Variants in PLCB1 observed in about 807,000 individuals in gnomAD.
PLCB1 encodes 1-phosphatidylinositol 4,5-bisphosphate phosphodiesterase beta-1.
A neutral mutation model predicts 161.8 loss-of-function variants in PLCB1; 46 were observed. That is an observed-to-expected ratio of 0.28 (90% confidence interval 0.22 to 0.36). The LOEUF is 0.36. Among genes scored for constraint, PLCB1 ranks in the 10% least tolerant of loss-of-function variants. The probability of loss-of-function intolerance (pLI) is 1.00; values close to 1 mark genes in which losing one functional copy is unlikely to be tolerated. For missense variants in PLCB1, 1,016 were observed against 1,472.5 expected, an observed-to-expected ratio of 0.69 and a Z score of 5.07; for synonymous variants, 517 against 503.7, an observed-to-expected ratio of 1.03 and a Z score of -0.35.
At chr20:8,282,621 G>T (rs2123286615) in intron 2 of PLCB1, among the ~76,000 whole-genome samples, 1 of 152,274 alleles carries the variant, frequency 6.6e-6, no homozygotes, top group South Asian at 2.1e-4. Flanking sequence ...GATGTAAATA[G>T]ATTGTATTGC....
At chr20:8,772,790 G>A (rs145883587) in intron 26 of PLCB1, among the ~76,000 whole-genome samples, 17 of 152,172 alleles carry the variant, frequency 1.1e-4, no homozygotes, top group African/African-American at 3.6e-4. Context: ...AAAATTAGCC[G>A]GGCATGGTGG....
chr20:8,833,286 C>T (rs780687029), intron 31 of PLCB1, among the ~76,000 whole-genome samples: 27 of 152,212 alleles, frequency 1.8e-4, no homozygotes, highest in Non-Finnish European at 1.8e-4. Flanking sequence ...GCATGTCTTA[C>T]ATGACGACAG....
At chr20:8,738,102 G>T (rs1980676378) in intron 20 of PLCB1, among the ~76,000 whole-genome samples, 1 of 152,214 alleles carries the variant, frequency 6.6e-6, no homozygotes, top group African/African-American at 2.4e-5. Flanking sequence ...GGAAAGAAAT[G>T]AGTAGTTGCT....
chr20:8,765,433 C>A, intron 26 of PLCB1, 75 bp downstream of exon 26: 2 of 1,133,092 alleles, frequency 1.8e-6, no homozygotes, highest in Non-Finnish European at 1.3e-6. Flanking sequence ...TGTTTTATAT[C>A]ATATTTTTGG....
At chr20:8,726,212 G>A (rs1418619864) in intron 16 of PLCB1, among the ~76,000 whole-genome samples, 1 of 152,036 alleles carries the variant, frequency 6.6e-6, no homozygotes, top group East Asian at 1.9e-4. Context: ...CTAAAATACT[G>A]CTCATAATTG....
intron 3 of PLCB1, among the ~76,000 whole-genome samples, chr20:8,430,251 C>T (rs1979977019): frequency 6.6e-6 from 1 of 151,966 alleles, no homozygotes; most frequent in Admixed American, 6.6e-5. Flanking sequence ...AGAACATCTA[C>T]ATAATTAGAG....
chr20:8,354,773 T>C (rs967492841), intron 2 of PLCB1, among the ~76,000 whole-genome samples: 5 of 152,184 alleles, frequency 3.3e-5, no homozygotes, highest in Non-Finnish European at 7.4e-5. Context: ...AACAGCATTA[T>C]ATGCTAGTAC....
At chr20:8,627,045 T>C (rs768667220) in intron 3 of PLCB1, among the ~76,000 whole-genome samples, 32 of 152,352 alleles carry the variant, frequency 2.1e-4, no homozygotes, top group Non-Finnish European at 4.4e-4. Context: ...GCATTTGATC[T>C]TTCTAGGAGG....
At chr20:8,621,531 C>A (rs79989236) in intron 3 of PLCB1, among the ~76,000 whole-genome samples, 1 of 152,198 alleles carries the variant, frequency 6.6e-6, no homozygotes, top group African/African-American at 2.4e-5. Context: ...TTAGCTTCGA[C>A]TCTTTGCTAG....
intron 3 of PLCB1, among the ~76,000 whole-genome samples, chr20:8,530,382 A>G (rs1483440940): frequency 6.6e-6 from 1 of 152,114 alleles, no homozygotes; most frequent in Admixed American, 6.6e-5. Flanking sequence ...ACAAGCTTTG[A>G]TACCTAATAT....
intron 3 of PLCB1, among the ~76,000 whole-genome samples, chr20:8,623,507 A>G (rs1025431068): frequency 7.2e-5 from 11 of 152,206 alleles, no homozygotes; most frequent in African/African-American, 2.4e-4. Flanking sequence ...CAAAACAAAT[A>G]TGAATACTCT....
intron 27 of PLCB1, among the ~76,000 whole-genome samples, chr20:8,783,331 G>A (rs1983329552): frequency 6.6e-6 from 1 of 152,130 alleles, no homozygotes; most frequent in Non-Finnish European, 1.5e-5. Context: ...ACTAATAAAT[G>A]ATCGAATGGC....
intron 3 of PLCB1, among the ~76,000 whole-genome samples, chr20:8,426,708 A>G (rs1979791969): frequency 6.6e-6 from 1 of 152,206 alleles, no homozygotes; most frequent in South Asian, 2.1e-4. Flanking sequence ...CAGACTCACA[A>G]AGTAACCATG....
intron 1 of PLCB1, among the ~76,000 whole-genome samples, chr20:8,142,800 A>G (rs1056523326): frequency 6.6e-6 from 1 of 152,178 alleles, no homozygotes; most frequent in African/African-American, 2.4e-5. Flanking sequence ...TTTATAATGA[A>G]CTTCCACCTA....
intron 31 of PLCB1, among the ~76,000 whole-genome samples, chr20:8,865,255 T>C (rs1385419059): frequency 6.6e-6 from 1 of 152,200 alleles, no homozygotes; most frequent in Admixed American, 6.5e-5. Context: ...CTCATAGTTA[T>C]AAGGTAGTTA....
intron 20 of PLCB1, 64 bp from the exon 21 acceptor site, chr20:8,739,196 CT>C: frequency 1.0e-6 from 1 of 979,350 alleles, no homozygotes; most frequent in South Asian, 1.3e-5. Flanking sequence ...TGAATAATAC[CT>C]TTCTAATTAT....
intron 25 of PLCB1, among the ~76,000 whole-genome samples, chr20:8,761,920 A>C (rs1332328049): frequency 6.8e-6 from 1 of 146,684 alleles, no homozygotes; most frequent in East Asian, 2.2e-4. Flanking sequence ...TAAAAGATTT[A>C]GTTCTAGGCT....
chr20:8,491,251 T>C (rs1982934088), intron 3 of PLCB1, among the ~76,000 whole-genome samples: 2 of 152,116 alleles, frequency 1.3e-5, no homozygotes, highest in African/African-American at 4.8e-5. Flanking sequence ...ATCTCTTCAT[T>C]TACTTAGTTT....
At chr20:8,818,192 C>T (rs1057144159) in intron 31 of PLCB1, among the ~76,000 whole-genome samples, 4 of 152,130 alleles carry the variant, frequency 2.6e-5, no homozygotes, top group African/African-American at 9.7e-5. Flanking sequence ...TAAGAAATCT[C>T]AAGCATAGTG....
Sources: allele counts gnomAD v4.1 joint callset (sites outside exome capture counted in the v4.1 genomes callset), GRCh38; gene constraint gnomAD v4.1.1; transcripts MANE v1.5; gene names NCBI Gene and HGNC (gene_info 2026-07-23, HGNC 2026-07-21).